The following CHAF1A variants were observed in gnomAD, a reference collection of about 807,000 sequenced individuals.
CHAF1A encodes chromatin assembly factor 1 subunit A, also known as CAF-1 subunit A.
In CHAF1A, 5 loss-of-function variants were observed where a neutral mutation model predicts 93.2. The observed-to-expected ratio is 0.05, with a 90% CI of 0.03 to 0.11. The LOEUF is 0.11. CHAF1A is among the 10% of genes least tolerant of loss of function. The pLI is 1.00. For synonymous variants in CHAF1A, 504 were observed against 510.3 expected (o/e 0.99, Z 0.17); for missense variants, 1,102 against 1,259.9 (o/e 0.87, Z 1.90).
chr19:4,419,537 C>CT (rs1259568724), intron 4 of CHAF1A, among the ~76,000 whole-genome samples: 2 of 152,078 alleles, frequency 1.3e-5, no homozygotes, highest in East Asian at 3.9e-4. Flanking sequence ...TCAAGCGATT[C>CT]TCCTGCCTCA....
chr19:4,439,390 C>T (rs1305163077), intron 13 of CHAF1A, among the ~76,000 whole-genome samples: 1 of 152,202 alleles, frequency 6.6e-6, no homozygotes. Context: ...TGCGCTCCTC[C>T]GTGTCTGTGT....
intron 2 of CHAF1A, among the ~76,000 whole-genome samples, chr19:4,406,940 A>G (rs957870278): frequency 1.3e-5 from 2 of 151,292 alleles, no homozygotes; most frequent in African/African-American, 4.9e-5. Flanking sequence ...AAAAAGGGGG[A>G]CGCCAGATGC....
Position 4,405,809 on chromosome 19 carries a change from C to T in CHAF1A, c.53-103C>T. 3.0e-6 allele frequency: 3 copies of T among 986,624 alleles called. No homozygotes were observed. The South Asian group carries it at 4.0e-5, about 13-fold the overall frequency. 61.1% of individuals were successfully genotyped at this position (986,624 alleles called of 1,614,324 possible). On this transcript the variant is annotated intron_variant, in intron 1 of 14. Coordinates refer to ENST00000301280, the MANE Select transcript of CHAF1A (RefSeq NM_005483.3). Reference sequence around the variant, plus strand: ...AAATGGCCCCCGAGGACAGAGGGGTCAGAATTGCCTCCACCTTGTACATAA... The same window carrying T: ...AAATGGCCCCCGAGGACAGAGGGGTTAGAATTGCCTCCACCTTGTACATAA...
chr19:4,439,805 G>T (rs1169159737), intron 13 of CHAF1A, among the ~76,000 whole-genome samples: 1 of 152,244 alleles, frequency 6.6e-6, no homozygotes, highest in Non-Finnish European at 1.5e-5. Flanking sequence ...CACTTTGGGA[G>T]GCTGAGGCAG....
intron 1 of CHAF1A, among the ~76,000 whole-genome samples, chr19:4,404,538 G>A (rs62130973): frequency 0.056 from 8,461 of 152,190 alleles, 333 homozygotes; most frequent in Non-Finnish European, 0.082. Context: ...CTTTGAAGTG[G>A]CTAGAAAGGA....
In CHAF1A at chr19:4,417,990, T is replaced by G. The variant is rs759893565; in HGVS notation, c.961-30T>G. ...TTCTCGAAGCAATTGAAATAACCCGTGTTTAAAGATAAACGTCTTCTGTTT... is the reference window on the plus strand; with the variant it reads ...TTCTCGAAGCAATTGAAATAACCCGGGTTTAAAGATAAACGTCTTCTGTTT... On this transcript the variant is annotated intron_variant, in intron 3 of 14. Transcript: ENST00000301280. 9 of 1,510,828 alleles carry G rather than the reference T, an allele frequency of 6.0e-6. No individual in the cohort carries two copies. The South Asian group carries it at 1.1e-4, about 18-fold the overall frequency. The allele number at this position is 1,510,828 out of a possible 1,614,324, so 93.6% of individuals were successfully genotyped here.
chr19:4,445,437 G>T (rs1282288923), downstream of CHAF1A: 2 of 1,603,748 alleles, frequency 1.2e-6, no homozygotes, highest in African/African-American at 2.7e-5. Context: ...GGGGTGGCGG[G>T]GAGAGGAACA....
intron 7 of CHAF1A, among the ~76,000 whole-genome samples, chr19:4,427,434 G>A (rs1055251641): frequency 2.1e-5 from 3 of 143,624 alleles, no homozygotes; most frequent in African/African-American, 7.8e-5. Flanking sequence ...CCAGGTTCAA[G>A]CAATTCTCCT....
intron 1 of CHAF1A, 99 bp downstream of exon 1, chr19:4,402,913 C>A: frequency 1.4e-6 from 1 of 734,828 alleles, no homozygotes; most frequent in Non-Finnish European, 1.8e-6. Context: ...GGGCGCCAAG[C>A]CTGGTCCTGC....
intron 3 of CHAF1A, among the ~76,000 whole-genome samples, chr19:4,411,448 T>G (rs1568431160): frequency 6.6e-6 from 1 of 152,048 alleles, no homozygotes; most frequent in African/African-American, 2.4e-5. Context: ...CAGACTGATT[T>G]CAAACTCCTG....
At chr19:4,412,694 C>A (rs941759612) in intron 3 of CHAF1A, among the ~76,000 whole-genome samples, 2 of 152,200 alleles carry the variant, frequency 1.3e-5, no homozygotes, top group African/African-American at 4.8e-5. Flanking sequence ...AGCACATGAA[C>A]CCAGTGTGCA....
intron 11 of CHAF1A, among the ~76,000 whole-genome samples, chr19:4,431,470 T>C (rs1974181680): frequency 6.6e-6 from 1 of 151,984 alleles, no homozygotes; most frequent in Non-Finnish European, 1.5e-5. Context: ...CCTGTTTTGT[T>C]TTGAAGGCCT....
chr19:4,427,136 C>CTGTTTTTTTTTT (rs1974098280), intron 7 of CHAF1A, among the ~76,000 whole-genome samples: 1 of 31,948 alleles, frequency 3.1e-5, no homozygotes, highest in African/African-American at 1.5e-4. Flanking sequence ...AAGACCCTGT[C>CTGTTTTTTTTTT]TTTTTTTTTT....
downstream of CHAF1A, chr19:4,447,006 C>T (rs555403874): frequency 7.5e-5 from 101 of 1,350,592 alleles, no homozygotes; most frequent in Non-Finnish European, 9.4e-5. Context: ...GCCCGGCTCT[C>T]GCTATTGGGA....
rs775138792 is a variant in CHAF1A, at chr19:4,442,282, C to CGGA, written c.2721_2723dup (p.Glu911dup). 4 of 1,613,558 alleles carry CGGA rather than the reference C, an allele frequency of 2.5e-6. No homozygotes were observed. The highest frequency in any genetic ancestry group is 3.3e-5 in the Admixed American group (2 of 59,932). On this transcript the variant is annotated inframe_insertion, in exon 14 of 15. Coordinates refer to ENST00000301280, the MANE Select transcript of CHAF1A (RefSeq NM_005483.3). Reference sequence around the variant, plus strand: ...GACATGGACGGCTTCCAGGCAGACACGGAGGAGGAGGAAGAGGAGGAGGGC... The same window carrying CGGA: ...GACATGGACGGCTTCCAGGCAGACACGGAGGAGGAGGAGGAAGAGGAGGAGGGC...
chr19:4,405,995 C>T (rs190349343), intron 2 of CHAF1A, 33 bp downstream of exon 2: 17 of 1,562,758 alleles, frequency 1.1e-5, no homozygotes, highest in South Asian at 8.9e-5. Flanking sequence ...AAGAGTTGTT[C>T]GTAGTTTATA....
Position 4,418,397 on chromosome 19 carries a change from G to C in CHAF1A, c.1017+321G>C, listed in dbSNP as rs988189525. Among the ~76,000 whole-genome samples, 100 of 144,382 alleles carry C rather than the reference G, an allele frequency of 6.9e-4. 1 individual carries two copies. Among genetic ancestry groups the C allele is most frequent in the African/African-American group, 2.3e-3 (90 of 39,194 alleles). 94.7% of individuals were successfully genotyped at this position (144,382 alleles called of 152,430 possible). ...TTCCAAAAACCCAGTCCATTTCCTTGTAGTCCTGTCTCTTTTTTTTTTTTT... is the reference window on the plus strand; with the variant it reads ...TTCCAAAAACCCAGTCCATTTCCTTCTAGTCCTGTCTCTTTTTTTTTTTTT... On this transcript the variant is annotated intron_variant, in intron 4 of 14. Coordinates refer to ENST00000301280, the MANE Select transcript of CHAF1A (RefSeq NM_005483.3).
At chr19:4,436,672 G>C (rs1974289108) in intron 13 of CHAF1A, among the ~76,000 whole-genome samples, 1 of 152,168 alleles carries the variant, frequency 6.6e-6, no homozygotes, top group Non-Finnish European at 1.5e-5. Context: ...GTGTCCCTCA[G>C]ATGTTCCTTT....
At chr19:4,437,952 A>G (rs1024101972) in intron 13 of CHAF1A, among the ~76,000 whole-genome samples, 1 of 152,106 alleles carries the variant, frequency 6.6e-6, no homozygotes, top group African/African-American at 2.4e-5. Flanking sequence ...TGTGTTAGCC[A>G]GGATGGTCCC....
Sources: allele counts gnomAD v4.1 joint callset (sites outside exome capture counted in the v4.1 genomes callset), GRCh38; gene constraint gnomAD v4.1.1; transcripts MANE v1.5; gene names NCBI Gene and HGNC (gene_info 2026-07-23, HGNC 2026-07-21).